The following MCC variants were observed in gnomAD, a reference collection of about 807,000 sequenced individuals.
The protein encoded by MCC is MCC regulator of Wnt signaling pathway.
A neutral mutation model predicts 116.2 loss-of-function variants in MCC; 90 were observed. The ratio of observed to expected loss-of-function variants is 0.77; its 90% CI spans 0.65 to 0.92. The LOEUF (loss-of-function observed/expected upper bound fraction) is 0.92. Ranked by LOEUF, MCC falls within the 40% of genes least tolerant of loss-of-function variation. MCC has a pLI of 0.00. For missense variants in MCC, 1,516 were observed against 1,312.2 expected, an observed-to-expected ratio of 1.16 and a Z score of -2.40; for synonymous variants, 578 against 510.5, an observed-to-expected ratio of 1.13 and a Z score of -1.78.
At chr5:113,229,777 A>G (rs1763875097) in intron 3 of MCC, among the ~76,000 whole-genome samples, 2 of 151,678 alleles carry the variant, frequency 1.3e-5, no homozygotes, top group Non-Finnish European at 1.5e-5. Flanking sequence ...TATTGGCTAC[A>G]GTACTCAGTA....
At position 113,027,191 on chromosome 5, in the gene MCC, C is replaced by A. The variant is rs756420974; in HGVS notation, c.*111G>T. 7.0e-5 allele frequency: 82 copies of A among 1,179,482 alleles called. No homozygotes were observed. Among genetic ancestry groups the A allele is most frequent in the Non-Finnish European group, 9.6e-5 (81 of 844,516 alleles). The allele number at this position is 1,179,482 out of a possible 1,614,324, so 73.1% of individuals were successfully genotyped here. Reference sequence around the variant, plus strand: ...CTCCATTGTCCAAGTGCCGACCTACCTGCCAGCCTTCCCTTTCCTCCTCCT... The same window carrying A: ...CTCCATTGTCCAAGTGCCGACCTACATGCCAGCCTTCCCTTTCCTCCTCCT... On this transcript the variant is annotated 3_prime_UTR_variant, in exon 19 of 19. Transcript: ENST00000408903.
In MCC at chr5:113,062,686, T is replaced by C. The variant is rs77215010; in HGVS notation, c.2213+1298A>G. ...GAATATGGTTTTATGAAAAAAATTATAATCTGTGCTTCACTGAATGAGACA... is the reference window on the plus strand; with the variant it reads ...GAATATGGTTTTATGAAAAAAATTACAATCTGTGCTTCACTGAATGAGACA... On this transcript the variant is annotated intron_variant, in intron 14 of 18. Coordinates refer to ENST00000408903, the MANE Select transcript of MCC (RefSeq NM_001085377.2). Among the ~76,000 whole-genome samples, 731 of 152,366 alleles carry C rather than the reference T, an allele frequency of 4.8e-3. 8 individuals are homozygous for C. The highest frequency in any genetic ancestry group is 0.017 in the African/African-American group (706 of 41,582).
intron 3 of MCC, among the ~76,000 whole-genome samples, chr5:113,173,150 T>C (rs1021783636): frequency 1.3e-5 from 2 of 152,188 alleles, no homozygotes; most frequent in African/African-American, 2.4e-5. Flanking sequence ...CATATTTTTA[T>C]GTAGCTTCCA....
At chr5:113,283,858 C>T (rs1483336851) in intron 3 of MCC, among the ~76,000 whole-genome samples, 1 of 152,212 alleles carries the variant, frequency 6.6e-6, no homozygotes, top group Non-Finnish European at 1.5e-5. Flanking sequence ...GTAAACTTAG[C>T]TTCTGCCACC....
chr5:113,200,970 C>G (rs1344268079), intron 3 of MCC, among the ~76,000 whole-genome samples: 5 of 152,178 alleles, frequency 3.3e-5, no homozygotes, highest in Non-Finnish European at 7.3e-5. Flanking sequence ...CATAGGTGAT[C>G]TGCAGGTTAT....
At chr5:113,398,623 A>G (rs1298579561) in intron 1 of MCC, among the ~76,000 whole-genome samples, 4 of 152,222 alleles carry the variant, frequency 2.6e-5, no homozygotes, top group African/African-American at 9.6e-5. Flanking sequence ...GTAGGAGCTA[A>G]ACAATGGGTA....
chr5:113,111,336 G>C (rs1428066613), intron 6 of MCC, among the ~76,000 whole-genome samples: 1 of 152,098 alleles, frequency 6.6e-6, no homozygotes, highest in Non-Finnish European at 1.5e-5. Context: ...ACACCCCAAA[G>C]CTCAGCACGT....
At chr5:113,040,456 G>T (rs1475558501) in intron 17 of MCC, among the ~76,000 whole-genome samples, 1 of 152,122 alleles carries the variant, frequency 6.6e-6, no homozygotes, top group East Asian at 1.9e-4. Flanking sequence ...CAGTTTTGGT[G>T]TCTGGCACCA....
intron 3 of MCC, among the ~76,000 whole-genome samples, chr5:113,271,351 A>C (rs1581347673): frequency 6.6e-6 from 1 of 152,180 alleles, no homozygotes; most frequent in South Asian, 2.1e-4. Flanking sequence ...CACAGTGAGG[A>C]TCCCTTGGCT....
At chr5:113,050,393 C>T (rs1018578955) in intron 15 of MCC, among the ~76,000 whole-genome samples, 9 of 152,266 alleles carry the variant, frequency 5.9e-5, no homozygotes, top group Admixed American at 1.3e-4. Context: ...TCACAACCCC[C>T]GAAGTCACCC....
Position 113,434,785 on chromosome 5 carries a change from C to T in MCC, c.171-49573G>A. The stretch of plus-strand genomic sequence containing the variant: ...TTTACTTTTGCATAGGAGCCCTCTC[C>T]TAAATTTATCCCCAGGAGGTAGCCT... On this transcript the variant is annotated intron_variant, in intron 1 of 18. Coordinates refer to ENST00000408903, the MANE Select transcript of MCC (RefSeq NM_001085377.2). The surrounding 1 kb of genome is among the most constrained non-coding windows in gnomAD (Gnocchi z 4.2). 1 of 1,613,658 alleles carries T rather than the reference C, an allele frequency of 6.2e-7. No homozygotes were observed. The highest frequency in any genetic ancestry group is 8.5e-7 in the Non-Finnish European group (1 of 1,179,604).
chr5:113,082,842 G>C lies in MCC; in HGVS notation c.1784+18C>G, dbSNP rs770548452. 11 of 1,611,294 alleles carry C rather than the reference G, an allele frequency of 6.8e-6. No homozygotes were observed. The African/African-American group carries it at 1.1e-4, about 16-fold the overall frequency. On this transcript the variant is annotated intron_variant, in intron 11 of 18. Coordinates refer to ENST00000408903, the MANE Select transcript of MCC (RefSeq NM_001085377.2). ...CTCCTCCCTGCCCCACAATCAAATC[G>C]ATACGATCTCTCCTCACCTATTCAG...
rs141900409 is a variant in MCC, at chr5:113,273,303, G to A, written c.627+67216C>T. On this transcript the variant is annotated intron_variant, in intron 3 of 18. Transcript: ENST00000408903. ...CAAAATATTCTAAAGGGGGTCAGAG[G>A]TTTCCCACTTGCTCAGGGTTTTCTA... 5.6e-4 allele frequency among the ~76,000 whole-genome samples: 85 copies of A among 152,262 alleles called. 3 individuals are homozygous for A. The highest frequency in any genetic ancestry group is 1.8e-3 in the African/African-American group (76 of 41,562).
rs6866548 is a variant in MCC at position 113,078,194 on chromosome 5, A to T, written c.1784+4666T>A. Reference sequence around the variant, plus strand: ...TATCAACCAAAAGAAGTCCAGGACCAGACAGATTCACAGCCGAATTCTACC... The same window carrying T: ...TATCAACCAAAAGAAGTCCAGGACCTGACAGATTCACAGCCGAATTCTACC... On this transcript the variant is annotated intron_variant, in intron 11 of 18. Transcript: ENST00000408903. 3.6e-4 allele frequency among the ~76,000 whole-genome samples: 55 copies of T among 152,348 alleles called. 2 individuals are homozygous for T. The highest frequency in any genetic ancestry group is 1.3e-3 in the African/African-American group (52 of 41,580).
chr5:113,454,751 G>A (rs1411235807), intron 1 of MCC, among the ~76,000 whole-genome samples: 3 of 152,008 alleles, frequency 2.0e-5, no homozygotes, highest in Admixed American at 1.3e-4. Flanking sequence ...ATATATGGAG[G>A]GGAAAATCAA....
intron 3 of MCC, among the ~76,000 whole-genome samples, chr5:113,305,886 A>G (rs994149320): frequency 6.6e-5 from 10 of 152,304 alleles, no homozygotes; most frequent in African/African-American, 2.4e-4. Context: ...CCCCCAAACG[A>G]AATTCATACT....
chr5:113,285,655 C>T (rs1194158556), intron 3 of MCC, among the ~76,000 whole-genome samples: 1 of 152,176 alleles, frequency 6.6e-6, no homozygotes, highest in Non-Finnish European at 1.5e-5. Flanking sequence ...CCTCATTTCA[C>T]AGACTCCCAC....
At chr5:113,069,349 A>G (rs929771240) in intron 12 of MCC, among the ~76,000 whole-genome samples, 1 of 152,252 alleles carries the variant, frequency 6.6e-6, no homozygotes, top group Non-Finnish European at 1.5e-5. Context: ...TGGGCAAACA[A>G]GGTAAAATAT....
Position 113,063,973 on chromosome 5 carries a change from C to T in MCC, c.2213+11G>A, listed in dbSNP as rs763025847. 3 of 1,608,178 alleles carry T rather than the reference C, an allele frequency of 1.9e-6. No individual in the cohort carries two copies. ...CACACGCCCACCCCAGAGCAGAAGGCTGAGCATTACCTGGTGTGGCTGTTG... is the reference window on the plus strand; with the variant it reads ...CACACGCCCACCCCAGAGCAGAAGGTTGAGCATTACCTGGTGTGGCTGTTG... On this transcript the variant is annotated intron_variant, in intron 14 of 18. Coordinates refer to ENST00000408903, the MANE Select transcript of MCC (RefSeq NM_001085377.2).
Sources: allele counts gnomAD v4.1 joint callset (sites outside exome capture counted in the v4.1 genomes callset), GRCh38; gene constraint gnomAD v4.1.1; non-coding constraint Gnocchi (gnomAD v3.1); transcripts MANE v1.5; gene names NCBI Gene and HGNC (gene_info 2026-07-23, HGNC 2026-07-21).